The following APOA4 variants were observed in gnomAD, a reference collection of about 807,000 sequenced individuals.
APOA4 encodes apolipoprotein A4, also known as apolipoprotein A-IV.
In APOA4, 25 loss-of-function variants were observed where a neutral mutation model predicts 33.6. That is an observed-to-expected ratio of 0.74 (90% CI 0.54 to 1.04). The LOEUF (loss-of-function observed/expected upper bound fraction) is 1.04, where lower values mean the gene tolerates loss of function less well. Among genes scored for constraint, APOA4 ranks in the 50% least tolerant of loss-of-function variants. The pLI is 0.00. For synonymous variants in APOA4, 228 were observed against 224.0 expected (o/e 1.02, Z -0.16); for missense variants, 549 against 510.4 (o/e 1.08, Z -0.73).
Position 116,821,305 on chromosome 11 carries a change from C to G in APOA4, c.753G>C (p.Glu251Asp). The change falls in exon 3 of 3, where the codon GAG (glutamate) becomes GAC (aspartate). Residue 251 changes from glutamate (E) to aspartate (D), a missense_variant. Physicochemically the swap from Glu to Asp is conservative, Grantham distance 45. Coordinates refer to ENST00000357780, the MANE Select transcript of APOA4 (RefSeq NM_000482.4). ...LTFQMKKNAEELKARISASAE... is the reference protein window; with the variant it reads ...LTFQMKKNAEDLKARISASAE... ...CACTGGCCGAGATCCTGGCCTTGAG[C>G]TCCTCGGCGTTCTTCTTCATCTGGA... 1.2e-6 allele frequency: 2 copies of G among 1,613,946 alleles called. No individual in the cohort carries two copies. Among genetic ancestry groups the G allele is most frequent in the African/African-American group, 1.3e-5 (1 of 75,070 alleles).
Position 116,823,221 on chromosome 11 carries a change from T to C in APOA4, c.-30A>G. 6.2e-7 allele frequency: 1 copy of C among 1,613,980 alleles called. No homozygotes were observed. The highest frequency in any genetic ancestry group is 8.5e-7 in the Non-Finnish European group (1 of 1,179,916). The stretch of plus-strand genomic sequence containing the variant: ...AGCTGCTTGCTGGGCTGGAGGAGTT[T>C]CTTGCCACACTGGATCCTCCCTACA... On this transcript the variant is annotated 5_prime_UTR_variant, in exon 1 of 3. Transcript: ENST00000357780.
chr11:116,823,275 G>A lies in APOA4; in HGVS notation c.-84C>T. 4 of 1,519,916 alleles carry A rather than the reference G, an allele frequency of 2.6e-6. No individual in the cohort carries two copies. Among genetic ancestry groups the A allele is most frequent in the South Asian group, 1.1e-5 (1 of 88,938 alleles). The allele number at this position is 1,519,916 out of a possible 1,614,324, so 94.2% of individuals were successfully genotyped here. On this transcript the variant is annotated 5_prime_UTR_variant, in exon 1 of 3. Coordinates refer to ENST00000357780, the MANE Select transcript of APOA4 (RefSeq NM_000482.4). The stretch of plus-strand genomic sequence containing the variant: ...AGGGGAGCTGACAGAGAGGTCCTCA[G>A]GAGAGCTCACCTGCGCTGCAGTGGG...
In APOA4 at chr11:116,822,642, A is replaced by G. The variant is rs761160544; in HGVS notation, c.176+17T>C. On this transcript the variant is annotated intron_variant, in intron 2 of 2. Transcript: ENST00000357780. The stretch of plus-strand genomic sequence containing the variant: ...TAAGAATTCCCCGTCACCACCGCAC[A>G]CTGTAGTCCCTCTTACTTGAGTTGC... The G allele has an allele frequency of 2.5e-6, 4 of 1,614,126 alleles. No individual in the cohort carries two copies. The Admixed American group carries it at 6.7e-5, about 27-fold the overall frequency.
At chr11:116,822,571 G>A in intron 2 of APOA4, 88 bp downstream of exon 2, 2 of 1,600,174 alleles carry the variant, frequency 1.2e-6, no homozygotes, top group Non-Finnish European at 1.7e-6. Context: ...TAAGCTCAGG[G>A]CTCCTGTCTC....
chr11:116,823,221 T>A lies in APOA4; in HGVS notation c.-30A>T. ...AGCTGCTTGCTGGGCTGGAGGAGTT[T>A]CTTGCCACACTGGATCCTCCCTACA... On this transcript the variant is annotated 5_prime_UTR_variant, in exon 1 of 3. Coordinates refer to ENST00000357780, the MANE Select transcript of APOA4 (RefSeq NM_000482.4). 1 of 1,613,980 alleles carries A rather than the reference T, an allele frequency of 6.2e-7. No homozygotes were observed. Among genetic ancestry groups the A allele is most frequent in the South Asian group, 1.1e-5 (1 of 91,064 alleles).
At position 116,821,452 on chromosome 11, in the gene APOA4, C is replaced by A. The variant is rs773732770; in HGVS notation, c.606G>T (p.Thr202=). 1 of 1,614,206 alleles carries A rather than the reference C, an allele frequency of 6.2e-7. No homozygotes were observed. The highest frequency in any genetic ancestry group is 1.1e-5 in the South Asian group (1 of 91,086). ...TGACTTTGAATTCGTCAGCGTAGGG[C>A]GTAAGGCGTCCCTTGAGCTCCTCCA... ...QNVEELKGRL[T]PYADEFKVKI... is the part of the protein sequence containing the mutation. The change falls in exon 3 of 3, where the codon ACG becomes ACT. Residue 202 remains threonine (T), a synonymous_variant. Transcript: ENST00000357780.
chr11:116,821,730 TCAGCTCCTC>T lies in APOA4; in HGVS notation c.319_327del (p.Glu107_Leu109del). On this transcript the variant is annotated inframe_deletion, in exon 3 of 3. Coordinates refer to ENST00000357780, the MANE Select transcript of APOA4 (RefSeq NM_000482.4). ...TTGGCATGGGGCAGCAGCCGGGCCC[TCAGCTCCTC>T]CAGCTCCTTCCCAATCTCCTCCTTC... 1 of 1,546,738 alleles carries T rather than the reference TCAGCTCCTC, an allele frequency of 6.5e-7. No individual in the cohort carries two copies. Among genetic ancestry groups the T allele is most frequent in the Non-Finnish European group, 8.9e-7 (1 of 1,119,662 alleles).
At chr11:116,821,974 G>T (rs1444097199) in intron 2 of APOA4, 93 bp from the exon 3 acceptor site, 8 of 1,540,392 alleles carry the variant, frequency 5.2e-6, no homozygotes, top group Non-Finnish European at 6.2e-6. Flanking sequence ...ATGCACACGT[G>T]CTAGGACAGG....
chr11:116,821,486 T>C lies in APOA4; in HGVS notation c.572A>G (p.Asp191Gly). The change falls in exon 3 of 3, where the codon GAC becomes GGC. Residue 191 changes from aspartate (D) to glycine (G), a missense_variant. Transcript: ENST00000357780. ...PHADELKAKI[D>G]QNVEELKGRL... ...TCCCTTGAGCTCCTCCACGTTCTGG[T>C]CGATCTTGGCCTTGAGCTCGTCGGC... The C allele has an allele frequency of 1.2e-6, 2 of 1,614,050 alleles. No homozygotes were observed. Among genetic ancestry groups the C allele is most frequent in the Non-Finnish European group, 1.7e-6 (2 of 1,179,982 alleles).
In APOA4 at chr11:116,821,448, A is replaced by G. The variant is rs1320943922; in HGVS notation, c.610T>C (p.Tyr204His). 2 of 1,614,174 alleles carry G rather than the reference A, an allele frequency of 1.2e-6. No individual in the cohort carries two copies. Among genetic ancestry groups the G allele is most frequent in the South Asian group, 2.2e-5 (2 of 91,088 alleles). Residue 204 changes from tyrosine to histidine, a missense_variant, in exon 3 of 3, where the codon TAC becomes CAC. Tyr to His is a moderately conservative substitution (Grantham distance 83). Coordinates refer to ENST00000357780, the MANE Select transcript of APOA4 (RefSeq NM_000482.4). ...VEELKGRLTP[Y>H]ADEFKVKIDQ... Reference sequence around the variant, plus strand: ...ATCTTGACTTTGAATTCGTCAGCGTAGGGCGTAAGGCGTCCCTTGAGCTCC... The same window carrying G: ...ATCTTGACTTTGAATTCGTCAGCGTGGGGCGTAAGGCGTCCCTTGAGCTCC...
rs1352011550 is a variant in APOA4 at position 116,820,880 on chromosome 11, G to A, written c.1178C>T (p.Pro393Leu). ...ACCAGGGGCAGCTCAGCTCTCCAAA[G>A]GGGCCAGCATCTGCACCTGCTCCTG... The part of the protein sequence containing the change: ...QQQEQVQMLA[P>L]LES The change falls in exon 3 of 3, where the codon CCT becomes CTT. Residue 393 changes from proline (P) to leucine (L), a missense_variant. Physicochemically the swap from Pro to Leu is moderately conservative, Grantham distance 98. Coordinates refer to ENST00000357780, the MANE Select transcript of APOA4 (RefSeq NM_000482.4). 5.6e-5 allele frequency: 90 copies of A among 1,613,870 alleles called. No individual in the cohort carries two copies. Among genetic ancestry groups the A allele is most frequent in the Non-Finnish European group, 7.3e-5 (86 of 1,180,014 alleles).
rs1941341446 is a variant in APOA4, at chr11:116,822,770, A to T, written c.65T>A (p.Val22Asp). The T allele has an allele frequency of 1.9e-6, 3 of 1,614,070 alleles. No homozygotes were observed. Among genetic ancestry groups the T allele is most frequent in the Non-Finnish European group, 2.5e-6 (3 of 1,179,982 alleles). Residue 22 changes from valine (V) to aspartate (D), a missense_variant, in exon 2 of 3, where the codon GTC becomes GAC. By Grantham distance (152) the Val-to-Asp change is radical. Transcript: ENST00000357780. ...CACCGTGGCCACCTGGTCAGCACTGACCTCAGCCCTGGCTCCTGGGTGGTA... is the reference window on the plus strand; with the variant it reads ...CACCGTGGCCACCTGGTCAGCACTGTCCTCAGCCCTGGCTCCTGGGTGGTA... ...LVAVAGARAE[V>D]SADQVATVMW... is the part of the protein sequence containing the mutation.
At chr11:116,823,066 T>C (rs1184207264) in intron 1 of APOA4, 77 bp downstream of exon 1, 5 of 1,573,282 alleles carry the variant, frequency 3.2e-6, no homozygotes, top group Non-Finnish European at 4.4e-6. Flanking sequence ...AGTGTCCTTT[T>C]GCTTTGGCTC....
chr11:116,823,259 GACAGAGAGGT>G lies in APOA4; in HGVS notation c.-78_-69del. ...GATCCTCCCTACAATCAGGGGAGCT[GACAGAGAGGT>G]CCTCAGGAGAGCTCACCTGCGCTGC... On this transcript the variant is annotated 5_prime_UTR_variant, in exon 1 of 3. Coordinates refer to ENST00000357780, the MANE Select transcript of APOA4 (RefSeq NM_000482.4). The G allele has an allele frequency of 6.3e-7, 1 of 1,576,140 alleles. No homozygotes were observed. The highest frequency in any genetic ancestry group is 1.7e-4 in the Middle Eastern group (1 of 5,976).
chr11:116,821,921 A>G, intron 2 of APOA4, 40 bp from the exon 3 acceptor site: 2 of 1,607,428 alleles, frequency 1.2e-6, no homozygotes, highest in East Asian at 2.2e-5. Context: ...TACATTTGGC[A>G]TTTACACGGC....
intron 2 of APOA4, among the ~76,000 whole-genome samples, chr11:116,822,248 G>T (rs938248340): frequency 3.9e-5 from 6 of 152,126 alleles, no homozygotes; most frequent in African/African-American, 1.4e-4. Flanking sequence ...CTTGACCTCT[G>T]CTGGGGTCTT....
In APOA4 at chr11:116,821,788, G is replaced by T. The variant is rs1486577697; in HGVS notation, c.270C>A (p.Arg90=). 2 of 1,587,746 alleles carry T rather than the reference G, an allele frequency of 1.3e-6. No individual in the cohort carries two copies. Among genetic ancestry groups the T allele is most frequent in the Non-Finnish European group, 1.7e-6 (2 of 1,155,930 alleles). Residue 90 remains arginine (R), a synonymous_variant, in exon 3 of 3, where the codon CGC becomes CGA. Coordinates refer to ENST00000357780, the MANE Select transcript of APOA4 (RefSeq NM_000482.4). Reference sequence around the variant, plus strand: ...TCAGTTTCTCCGAGTCCTTGGCCAGGCGTTCATGCAGCTCGGTGGCAAAGG... The same window carrying T: ...TCAGTTTCTCCGAGTCCTTGGCCAGTCGTTCATGCAGCTCGGTGGCAAAGG... ...LVPFATELHE[R]LAKDSEKLKE... is the part of the protein sequence containing the mutation.
In APOA4 at chr11:116,821,392, G is replaced by C. The variant is rs765747473; in HGVS notation, c.666C>G (p.Ser222Arg). ...IDQTVEELRR[S>R]LAPYAQDTQE... The stretch of plus-strand genomic sequence containing the variant: ...GCGTGTCCTGAGCATAGGGAGCCAG[G>C]CTGCGGCGCAGCTCCTCCACGGTCT... Residue 222 changes from serine (S) to arginine (R), a missense_variant, in exon 3 of 3, where the codon AGC becomes AGG. Transcript: ENST00000357780. The C allele has an allele frequency of 1.9e-6, 3 of 1,614,140 alleles. No homozygotes were observed. The Admixed American group carries it at 5.0e-5, about 27-fold the overall frequency.
chr11:116,822,065 T>A (rs1019512144), intron 2 of APOA4, among the ~76,000 whole-genome samples, 184 bp from the exon 3 acceptor site: 1 of 152,154 alleles, frequency 6.6e-6, no homozygotes, highest in Non-Finnish European at 1.5e-5. Flanking sequence ...TAAGTTACGA[T>A]GCTGAATTTC....
Sources: allele counts gnomAD v4.1 joint callset (sites outside exome capture counted in the v4.1 genomes callset), GRCh38; gene constraint gnomAD v4.1.1; transcripts MANE v1.5; gene names NCBI Gene and HGNC (gene_info 2026-07-23, HGNC 2026-07-21).